Variants in TRPM2 observed in about 807,000 individuals in gnomAD.
TRPM2 encodes transient receptor potential cation channel subfamily M member 2, also known as estrogen-responsive element-associated gene 1 protein.
A neutral mutation model predicts 174.0 loss-of-function variants in TRPM2; 161 were observed. The observed-to-expected ratio is 0.93, with a 90% confidence interval of 0.81 to 1.05. TRPM2 has a LOEUF of 1.05. TRPM2 is among the 50% of genes least tolerant of loss of function. The pLI is 0.00. For missense variants in TRPM2, 2,057 were observed against 2,038.0 expected, an observed-to-expected ratio of 1.01 and a Z score of -0.18; for synonymous variants, 954 against 861.3, an observed-to-expected ratio of 1.11 and a Z score of -1.88.
intron 5 of TRPM2, among the ~76,000 whole-genome samples, chr21:44,372,544 A>G (rs1197705355): frequency 6.6e-6 from 1 of 152,196 alleles, no homozygotes; most frequent in Non-Finnish European, 1.5e-5. Flanking sequence ...AAAAGTCCCA[A>G]ATGTCATCAT....
chr21:44,405,110 G>T lies in TRPM2; in HGVS notation c.2539-32G>T, dbSNP rs1245229294. On this transcript the variant is annotated intron_variant, in intron 16 of 31. Coordinates refer to ENST00000397928, the MANE Select transcript of TRPM2 (RefSeq NM_003307.4). ...GTGAGGATAGTAAGAGTGACAACCTGTCTGCCTTCCTACCGCCCCTCTTCC... is the reference window on the plus strand; with the variant it reads ...GTGAGGATAGTAAGAGTGACAACCTTTCTGCCTTCCTACCGCCCCTCTTCC... The T allele has an allele frequency of 1.9e-6, 3 of 1,610,702 alleles. No individual in the cohort carries two copies. The Admixed American group carries it at 5.0e-5, about 27-fold the overall frequency.
In TRPM2 at chr21:44,376,196, G is replaced by T. The variant is rs138843993; in HGVS notation, c.952+183G>T. ...TCATTCGTGGCACTCGGCAGAGAGC[G>T]CGGTGAGCTGGTCAGACTGTCAGGT... is the stretch of plus-strand genomic sequence containing the variant. On this transcript the variant is annotated intron_variant, in intron 6 of 31. Transcript: ENST00000397928. This position sits in a 1 kb window ranked among gnomAD's most constrained non-coding sequence, Gnocchi z 4.2. Among the ~76,000 whole-genome samples, 4 of 152,058 alleles carry T rather than the reference G, an allele frequency of 2.6e-5. No homozygotes were observed. Among genetic ancestry groups the T allele is most frequent in the Non-Finnish European group, 4.4e-5 (3 of 68,010 alleles).
At chr21:44,416,785 C>T in intron 20 of TRPM2, 1 of 181,014 alleles carries the variant, frequency 5.5e-6, no homozygotes, top group Non-Finnish European at 1.2e-5. Context: ...CTCTCTGTGG[C>T]ATCACAGTGG....
intron 2 of TRPM2, among the ~76,000 whole-genome samples, chr21:44,362,117 C>A (rs1173003184): frequency 1.3e-5 from 2 of 152,086 alleles, no homozygotes; most frequent in African/African-American, 4.8e-5. Context: ...GACATTTTAC[C>A]AGTTTGAGTG....
At chr21:44,360,657 C>T (rs1003593639) in intron 2 of TRPM2, among the ~76,000 whole-genome samples, 2 of 151,688 alleles carry the variant, frequency 1.3e-5, no homozygotes, top group African/African-American at 2.4e-5. Flanking sequence ...ATCTCCGCCT[C>T]CTGGGTTCAA....
chr21:44,365,405 C>T (rs1046047392), intron 3 of TRPM2, among the ~76,000 whole-genome samples: 1 of 152,192 alleles, frequency 6.6e-6, no homozygotes, highest in Non-Finnish European at 1.5e-5. Flanking sequence ...GGGCAGGTCC[C>T]GGAGACGGGG....
At position 44,440,735 on chromosome 21, in the gene TRPM2, G is replaced by A; in HGVS notation, c.4270-54G>A. On this transcript the variant is annotated intron_variant, in intron 30 of 31. Coordinates refer to ENST00000397928, the MANE Select transcript of TRPM2 (RefSeq NM_003307.4). The stretch of plus-strand genomic sequence containing the variant: ...AGGGTGGAGGGCACGAGGTGGGCCG[G>A]GGCACCGCTCAGGTGTCCCTCGCTG... 6.6e-6 allele frequency: 10 copies of A among 1,512,290 alleles called. No homozygotes were observed. In the South Asian group the frequency reaches 6.8e-5, roughly 10 times the overall value. The allele number at this position is 1,512,290 out of a possible 1,614,324, so 93.7% of individuals were successfully genotyped here.
chr21:44,360,915 G>T (rs2048190567), intron 2 of TRPM2, among the ~76,000 whole-genome samples: 1 of 151,932 alleles, frequency 6.6e-6, no homozygotes, highest in Admixed American at 6.6e-5. Flanking sequence ...CCGTGGTCAA[G>T]ATACAGCACT....
In TRPM2 at chr21:44,429,791, TCTTGC is replaced by T. The variant is rs571682837; in HGVS notation, c.3974+2684_3974+2688del. Among the ~76,000 whole-genome samples, 22 of 152,294 alleles carry T rather than the reference TCTTGC, an allele frequency of 1.4e-4. No homozygotes were observed. The East Asian group carries it at 4.2e-3, about 29-fold the overall frequency. Reference sequence around the variant, plus strand: ...ACAATAATCATGCCTCATTCCTTTTTCTTGCCTTATTGTGCTGGGTAAATTCTTCA... The same window carrying T: ...ACAATAATCATGCCTCATTCCTTTTTCTTATTGTGCTGGGTAAATTCTTCA... On this transcript the variant is annotated intron_variant, in intron 27 of 31. Coordinates refer to ENST00000397928, the MANE Select transcript of TRPM2 (RefSeq NM_003307.4).
intron 27 of TRPM2, among the ~76,000 whole-genome samples, chr21:44,433,850 T>C (rs1187448821): frequency 2.0e-5 from 3 of 152,152 alleles, no homozygotes; most frequent in African/African-American, 7.2e-5. Context: ...CGGGCAGGTC[T>C]GCGCAGAGGT....
intron 19 of TRPM2, 127 bp from the exon 20 acceptor site, chr21:44,413,764 C>A: frequency 8.9e-7 from 1 of 1,129,066 alleles, no homozygotes; most frequent in Non-Finnish European, 1.3e-6. Context: ...TGAGGTCACC[C>A]AAATGAGCAG....
chr21:44,385,886 C>G (rs1197323128), intron 9 of TRPM2, among the ~76,000 whole-genome samples: 1 of 152,218 alleles, frequency 6.6e-6, no homozygotes, highest in African/African-American at 2.4e-5. Flanking sequence ...ATAGGGGAAA[C>G]TGTCCCCACA....
Position 44,364,243 on chromosome 21 carries a change from C to A in TRPM2, c.384C>A (p.Gly128=), listed in dbSNP as rs143653746. The A allele has an allele frequency of 1.2e-6, 2 of 1,614,060 alleles. No individual in the cohort carries two copies. The highest frequency in any genetic ancestry group is 1.3e-5 in the African/African-American group (1 of 74,926). The change falls in exon 3 of 32, where the codon GGC becomes GGA. Residue 128 remains glycine, a synonymous_variant. Transcript: ENST00000397928. ...AGGAGATGCCAACCGATGCCTTTGG[C>A]GACATCGTCTTCACGGGCCTGAGCC... is the stretch of plus-strand genomic sequence containing the variant. ...HVQEMPTDAF[G]DIVFTGLSQK...
chr21:44,362,821 TG>T (rs2048254829), intron 2 of TRPM2, among the ~76,000 whole-genome samples: 1 of 152,180 alleles, frequency 6.6e-6, no homozygotes, highest in African/African-American at 2.4e-5. Context: ...TCTCCCAGGC[TG>T]GAGTGCAGTG....
rs1477373184 is a variant in TRPM2 at position 44,427,035 on chromosome 21, C to G, written c.3898C>G (p.Gln1300Glu). 1.2e-6 allele frequency: 2 copies of G among 1,605,946 alleles called. No homozygotes were observed. The highest frequency in any genetic ancestry group is 1.9e-4 in the Middle Eastern group (1 of 5,306). Residue 1300 changes from glutamine (Q) to glutamate (E), a missense_variant, in exon 27 of 32, where the codon CAG (glutamine) becomes GAG (glutamate). Coordinates refer to ENST00000397928, the MANE Select transcript of TRPM2 (RefSeq NM_003307.4). ...GDTLEPLSTI[Q>E]YNVVDGLRDR... Reference sequence around the variant, plus strand: ...CACCCTGGAGCCACTGTCCACGATCCAGTACAACGTGGTGGATGGCCTGAG... The same window carrying G: ...CACCCTGGAGCCACTGTCCACGATCGAGTACAACGTGGTGGATGGCCTGAG...
At chr21:44,413,013 GT>G (rs2050154056) in intron 19 of TRPM2, among the ~76,000 whole-genome samples, 1 of 152,032 alleles carries the variant, frequency 6.6e-6, no homozygotes, top group Non-Finnish European at 1.5e-5. Flanking sequence ...GTTAACTACT[GT>G]TAACAACTTA....
In TRPM2 at chr21:44,425,849, A is replaced by G. The variant is rs1315817208; in HGVS notation, c.3795+22A>G. On this transcript the variant is annotated intron_variant, in intron 25 of 31. Transcript: ENST00000397928. ...GGAGGTGAGCGCCTGCCCAAGCCCA[A>G]CCAGGCGGAGTGGCCGGGCCCCTGG... 5 of 1,535,758 alleles carry G rather than the reference A, an allele frequency of 3.3e-6. No individual in the cohort carries two copies. In the African/African-American group the frequency reaches 4.1e-5, roughly 13 times the overall value.
chr21:44,382,524 A>T (rs900558978), intron 8 of TRPM2, among the ~76,000 whole-genome samples, 194 bp from the exon 9 acceptor site: 1 of 152,122 alleles, frequency 6.6e-6, no homozygotes, highest in African/African-American at 2.4e-5. Context: ...GACTCTCACG[A>T]ACATGATGTA....
chr21:44,439,425 G>A lies in TRPM2; in HGVS notation c.4269+257G>A, dbSNP rs2051405834. 1.3e-5 allele frequency among the ~76,000 whole-genome samples: 2 copies of A among 152,156 alleles called. No homozygotes were observed. Among genetic ancestry groups the A allele is most frequent in the Admixed American group, 1.3e-4 (2 of 15,280 alleles). On this transcript the variant is annotated intron_variant, in intron 30 of 31. Coordinates refer to ENST00000397928, the MANE Select transcript of TRPM2 (RefSeq NM_003307.4). This position sits in a 1 kb window ranked among gnomAD's most constrained non-coding sequence, Gnocchi z 5.1. ...ATTTTCTCCTCTCTAAATCAAGGGG[G>A]ATGGGCTGAGGACCCTTGCTGCCTT...
Sources: gnomAD v4.1 joint callset for allele counts (sites outside exome capture counted in the v4.1 genomes callset) on GRCh38, gnomAD v4.1.1 for gene constraint, Gnocchi (gnomAD v3.1) non-coding constraint, MANE v1.5 for transcripts, NCBI Gene and HGNC (gene_info 2026-07-23, HGNC 2026-07-21) for gene names.